Variants in POMGNT1 observed in about 807,000 individuals in gnomAD.
POMGNT1 encodes the protein protein O-linked-mannose beta-1,2-N-acetylglucosaminyltransferase 1.
In POMGNT1, 67 loss-of-function variants were observed where a neutral mutation model predicts 95.6. The observed-to-expected ratio is 0.70, with a 90% CI of 0.58 to 0.86. POMGNT1 has a LOEUF of 0.86. POMGNT1 is among the 40% of genes least tolerant of loss of function. POMGNT1 has a pLI of 0.00. For missense variants in POMGNT1, 719 were observed against 855.2 expected (o/e 0.84, Z 1.99); for synonymous variants, 298 against 317.9 (o/e 0.94, Z 0.66).
chr1:46,188,885 G>A lies in POMGNT1; in HGVS notation c.*385C>T. ...AAGAGCCAGCCCCACCCTCAGGGCA[G>A]CATTCCAGCCCAAAAAGAAATCCAG... On this transcript the variant is annotated 3_prime_UTR_variant, in exon 22 of 22. Coordinates refer to ENST00000371984, the MANE Select transcript of POMGNT1 (RefSeq NM_017739.4). 6.2e-7 allele frequency: 1 copy of A among 1,612,860 alleles called. No homozygotes were observed. Among genetic ancestry groups the A allele is most frequent in the Non-Finnish European group, 8.5e-7 (1 of 1,179,880 alleles).
At chr1:46,208,630 G>A (rs907779972) in intron 1 of POMGNT1, among the ~76,000 whole-genome samples, 3 of 152,100 alleles carry the variant, frequency 2.0e-5, no homozygotes, top group Non-Finnish European at 4.4e-5. Context: ...ATCACCTGAG[G>A]TCAGGAGTTC....
chr1:46,197,163 C>A, intron 2 of POMGNT1, 79 bp from the exon 3 acceptor site: 1 of 1,610,092 alleles, frequency 6.2e-7, no homozygotes, highest in Non-Finnish European at 8.5e-7. Flanking sequence ...AGGGCCCTGG[C>A]TGCAGTGAAG....
At position 46,194,876 on chromosome 1, in the gene POMGNT1, C is replaced by T; in HGVS notation, c.620G>A (p.Arg207Lys). 1 of 1,614,182 alleles carries T rather than the reference C, an allele frequency of 6.2e-7. No individual in the cohort carries two copies. The highest frequency in any genetic ancestry group is 8.5e-7 in the Non-Finnish European group (1 of 1,180,040). The change falls in exon 7 of 22, where the codon AGG becomes AAG. Residue 207 changes from arginine (R) to lysine (K), a missense_variant. Arg to Lys is a conservative substitution (Grantham distance 26). Around this residue, in one of 5 missense-constraint regions of POMGNT1, gnomAD observed 466 missense variants for 517.4 expected, o/e 0.90. Transcript: ENST00000371984. ...GSQAGPALGW[R>K]DTWAFVGRKG... ...TCGTCCCACGAAGGCCCATGTGTCC[C>T]TCCAGCCCAGGGCAGGGCCAGCCTG...
In POMGNT1 at chr1:46,194,985, A is replaced by T. The variant is rs539873572; in HGVS notation, c.535-24T>A. The T allele has an allele frequency of 4.3e-6, 7 of 1,610,378 alleles. No individual in the cohort carries two copies. In the South Asian group the frequency reaches 7.7e-5, roughly 18 times the overall value. Reference sequence around the variant, plus strand: ...TCCTGGGGGACCAGAGAAGGCAGTTAGCCTGACTGGCATGGTTCCAGGAGA... The same window carrying T: ...TCCTGGGGGACCAGAGAAGGCAGTTTGCCTGACTGGCATGGTTCCAGGAGA... On this transcript the variant is annotated intron_variant, in intron 6 of 21. Transcript: ENST00000371984.
rs750280435 is a variant in POMGNT1, at chr1:46,194,571, G to T, written c.733C>A (p.Pro245Thr). ...ACTCCACCTTCTGCTGAGCTCAATG[G>T]CACATCTGTCTTCAGCAGGACTGGG... is the stretch of plus-strand genomic sequence containing the variant. ...GDPVLLKTDV[P>T]LSSAEEAECH... is the part of the protein sequence containing the mutation. Residue 245 changes from proline to threonine, a missense_variant, in exon 8 of 22, where the codon CCA (proline) becomes ACA (threonine). Coordinates refer to ENST00000371984, the MANE Select transcript of POMGNT1 (RefSeq NM_017739.4). The T allele has an allele frequency of 1.2e-6, 2 of 1,614,134 alleles. No individual in the cohort carries two copies. The highest frequency in any genetic ancestry group is 4.5e-5 in the East Asian group (2 of 44,870).
chr1:46,204,152 C>T (rs1658638918), intron 1 of POMGNT1, among the ~76,000 whole-genome samples: 1 of 152,178 alleles, frequency 6.6e-6, no homozygotes, highest in South Asian at 2.1e-4. Context: ...TCTACATCCC[C>T]CAGCCCTACT....
Position 46,189,115 on chromosome 1 carries a change from G to A in POMGNT1, c.*155C>T. 1 of 1,495,328 alleles carries A rather than the reference G, an allele frequency of 6.7e-7. No homozygotes were observed. 92.6% of individuals were successfully genotyped at this position (1,495,328 alleles called of 1,614,324 possible). Reference sequence around the variant, plus strand: ...CTCAGGAACGGGGTGTTGGAGCAGGGGAACCCTCCCCTTGGAGTTAGTAAT... The same window carrying A: ...CTCAGGAACGGGGTGTTGGAGCAGGAGAACCCTCCCCTTGGAGTTAGTAAT... On this transcript the variant is annotated 3_prime_UTR_variant, in exon 22 of 22. Transcript: ENST00000371984.
At chr1:46,191,754 C>T in intron 17 of POMGNT1, 1 of 352,484 alleles carries the variant, frequency 2.8e-6, no homozygotes, top group Non-Finnish European at 5.5e-6. Flanking sequence ...CCTGCCTCAG[C>T]CTCCCAAGTA....
At chr1:46,198,546 G>A (rs990776833), upstream of POMGNT1, 94 of 169,970 alleles carry the variant, frequency 5.5e-4, 1 homozygote, top group East Asian at 0.014. Context: ...CGGCGGTGGC[G>A]GCAGCGGCGT....
At chr1:46,203,946 T>TC (rs1471046296) in intron 1 of POMGNT1, among the ~76,000 whole-genome samples, 23 of 150,880 alleles carry the variant, frequency 1.5e-4, no homozygotes, top group African/African-American at 5.3e-4. Context: ...CAGCACAAAT[T>TC]CCCCCCGCCT....
chr1:46,192,882 C>T lies in POMGNT1; in HGVS notation c.1211+18G>A. 6.2e-7 allele frequency: 1 copy of T among 1,614,094 alleles called. No homozygotes were observed. Among genetic ancestry groups the T allele is most frequent in the Non-Finnish European group, 8.5e-7 (1 of 1,180,006 alleles). On this transcript the variant is annotated intron_variant, in intron 14 of 21. Coordinates refer to ENST00000371984, the MANE Select transcript of POMGNT1 (RefSeq NM_017739.4). ...GCAGACTGAGGGACCTCAACTGAAA[C>T]CTAGAGACTCCCCTCACCTGAAAAA...
At chr1:46,193,786 T>A (rs373514314) in intron 10 of POMGNT1, 69 bp downstream of exon 10, 29 of 1,605,310 alleles carry the variant, frequency 1.8e-5, no homozygotes, top group Non-Finnish European at 2.5e-5. Context: ...CCTCAAGAGT[T>A]CCTCCTGGAG....
Position 46,194,907 on chromosome 1 carries a change from C to T in POMGNT1, c.589G>A (p.Gly197Ser), listed in dbSNP as rs767757435. The change falls in exon 7 of 22, where the codon GGC (glycine) becomes AGC (serine). Residue 197 changes from glycine (G) to serine (S), a missense_variant. By Grantham distance (56) the Gly-to-Ser change is moderately conservative (BLOSUM62 0). This residue lies in a region of POMGNT1 where 466 missense variants were observed against 517.4 expected (regional missense o/e 0.90). Transcript: ENST00000371984. ...CCCAGGGCAGGGCCAGCCTGGCTGC[C>T]CAGGCTCCTCAGCAGAGCCTTGGCT... Reference protein sequence around the residue: ...DTAKALLRSLGSQAGPALGWR... With the variant: ...DTAKALLRSLSSQAGPALGWR... 1 of 1,614,166 alleles carries T rather than the reference C, an allele frequency of 6.2e-7. No homozygotes were observed. Among genetic ancestry groups the T allele is most frequent in the South Asian group, 1.1e-5 (1 of 91,092 alleles).
At chr1:46,202,139 A>T (rs1658551445), upstream of POMGNT1, among the ~76,000 whole-genome samples, 1 of 150,324 alleles carries the variant, frequency 6.7e-6, no homozygotes, top group South Asian at 2.1e-4. Flanking sequence ...ATTTTTTGCC[A>T]ATTGGGAGTG....
At chr1:46,202,649 A>T (rs1030106884), upstream of POMGNT1, among the ~76,000 whole-genome samples, 2 of 139,992 alleles carry the variant, frequency 1.4e-5, no homozygotes, top group South Asian at 2.4e-4. Flanking sequence ...GTGAGCCAAG[A>T]TCGCGCCACC....
At chr1:46,202,023 C>T (rs1025095881), upstream of POMGNT1, among the ~76,000 whole-genome samples, 7 of 151,224 alleles carry the variant, frequency 4.6e-5, no homozygotes, top group Non-Finnish European at 7.4e-5. Context: ...CCTACCCTAC[C>T]CTTTCACACC....
upstream of POMGNT1, among the ~76,000 whole-genome samples, chr1:46,199,124 T>C (rs975325498): frequency 6.6e-6 from 1 of 152,166 alleles, no homozygotes; most frequent in African/African-American, 2.4e-5. Flanking sequence ...ATATTTTTAG[T>C]AGAGACGGGG....
At chr1:46,219,926 C>T in exon 1 of POMGNT1, 1 of 1,614,226 alleles carries the variant, frequency 6.2e-7, no homozygotes, top group Non-Finnish European at 8.5e-7. Context: ...TGGACAGTGT[C>T]TCTATTGGCA....
intron 6 of POMGNT1, chr1:46,195,363 C>T (rs1658149785): frequency 2.7e-6 from 1 of 376,296 alleles, no homozygotes; most frequent in Non-Finnish European, 5.1e-6. Context: ...TCCAGATACT[C>T]ACCTGGCTCA....
Sources: gnomAD v4.1 joint callset for allele counts (sites outside exome capture counted in the v4.1 genomes callset) on GRCh38, gnomAD v4.1.1 for gene constraint, gnomAD v4.1.1 regional missense constraint, MANE v1.5 for transcripts, NCBI Gene and HGNC (gene_info 2026-07-23, HGNC 2026-07-21) for gene names.